KAZN: variants seen among roughly 807,000 people sequenced by gnomAD.
KAZN encodes the protein kazrin, periplakin interacting protein, also known as kazrin.
Under a neutral mutation model 87.4 loss-of-function variants are expected in KAZN, and 40 were observed. The ratio of observed to expected loss-of-function variants is 0.46; its 90% CI spans 0.36 to 0.60. The LOEUF is 0.60. Among genes scored for constraint, KAZN ranks in the 20% least tolerant of loss-of-function variants. KAZN has a pLI of 0.00. For missense variants in KAZN, 898 were observed against 1,073.9 expected, an observed-to-expected ratio of 0.84 and a Z score of 2.29; for synonymous variants, 466 against 458.3, an observed-to-expected ratio of 1.02 and a Z score of -0.22.
chr1:14,484,649 C>CT (rs1334813595), intron 2 of KAZN, among the ~76,000 whole-genome samples: 4 of 152,208 alleles, frequency 2.6e-5, no homozygotes, highest in African/African-American at 9.6e-5. Flanking sequence ...TGCAGGCTGG[C>CT]TGCCTGGTTC....
chr1:14,346,543 T>G (rs1207435707), intron 2 of KAZN, among the ~76,000 whole-genome samples: 1 of 152,098 alleles, frequency 6.6e-6, no homozygotes, highest in Admixed American at 6.5e-5. Context: ...ACTCAGTGGT[T>G]TGGGTAGGCT....
At chr1:14,141,460 G>A (rs1470666477) in intron 1 of KAZN, among the ~76,000 whole-genome samples, 1 of 150,600 alleles carries the variant, frequency 6.6e-6, no homozygotes, top group Non-Finnish European at 1.5e-5. Flanking sequence ...TTCGCTGATG[G>A]AACCAGATGT....
rs544133855 is a variant in KAZN at position 14,891,866 on chromosome 1, T to G, written c.227-68818T>G. On this transcript the variant is annotated intron_variant, in intron 1 of 14. Coordinates refer to ENST00000376030, the MANE Select transcript of KAZN (RefSeq NM_201628.3). The stretch of plus-strand genomic sequence containing the variant: ...TGAAAAAGAAATCTCTGAAGTTATT[T>G]CCATGGTTGGGGGTGGGATGGGGCA... Among the ~76,000 whole-genome samples, 9 of 152,292 alleles carry G rather than the reference T, an allele frequency of 5.9e-5. No individual in the cohort carries two copies. In the East Asian group the frequency reaches 1.4e-3, roughly 23 times the overall value.
At chr1:14,288,619 C>CA (rs1019694948) in intron 2 of KAZN, among the ~76,000 whole-genome samples, 131 of 152,128 alleles carry the variant, frequency 8.6e-4, no homozygotes, top group African/African-American at 3.1e-3. Flanking sequence ...TTCATCTTTT[C>CA]AAAAAACCAG....
At chr1:13,966,986 C>T (rs189600966) in intron 1 of KAZN, among the ~76,000 whole-genome samples, 3 of 152,262 alleles carry the variant, frequency 2.0e-5, no homozygotes, top group Admixed American at 2.0e-4. Flanking sequence ...TCTACTGTGT[C>T]TGTATAACTG....
intron 7 of KAZN, among the ~76,000 whole-genome samples, chr1:15,065,149 C>T (rs922684557): frequency 2.0e-5 from 3 of 150,916 alleles, no homozygotes; most frequent in Non-Finnish European, 4.4e-5. Flanking sequence ...CTGCCTTAGC[C>T]TCTCAAGTAG....
In KAZN at chr1:14,522,482, C is replaced by CA. The variant is rs367882400; in HGVS notation, c.250-76497dup. 4.5e-3 allele frequency among the ~76,000 whole-genome samples: 688 copies of CA among 152,278 alleles called. 6 individuals are homozygous for CA. The highest frequency in any genetic ancestry group is 0.016 in the African/African-American group (648 of 41,546). On this transcript the variant is annotated intron_variant, in intron 2 of 16. Transcript: ENST00000636203. Reference sequence around the variant, plus strand: ...ACAGTTATCAAGGAGCCAGCTCTTCCAAAAGGTTTCCTGCAAATCACGTCA... The same window carrying CA: ...ACAGTTATCAAGGAGCCAGCTCTTCCAAAAAGGTTTCCTGCAAATCACGTCA...
chr1:14,047,675 C>CTGG (rs1642135190), intron 1 of KAZN, among the ~76,000 whole-genome samples: 1 of 152,070 alleles, frequency 6.6e-6, no homozygotes, highest in Admixed American at 6.5e-5. Context: ...TGAGACCAGC[C>CTGG]TGGCCAACAT....
At chr1:13,980,237 A>C (rs970507683) in intron 1 of KAZN, among the ~76,000 whole-genome samples, 1 of 152,202 alleles carries the variant, frequency 6.6e-6, no homozygotes, top group Non-Finnish European at 1.5e-5. Flanking sequence ...GCATAATAAA[A>C]ATTGAACAAT....
At chr1:14,442,565 G>A (rs1282759537) in intron 2 of KAZN, among the ~76,000 whole-genome samples, 1 of 152,210 alleles carries the variant, frequency 6.6e-6, no homozygotes, top group Non-Finnish European at 1.5e-5. Flanking sequence ...GACTCAGCTT[G>A]TTGCTGCTGG....
chr1:14,705,633 A>C (rs1329659409), intron 1 of KAZN, among the ~76,000 whole-genome samples: 2 of 152,216 alleles, frequency 1.3e-5, no homozygotes, highest in South Asian at 4.1e-4. Flanking sequence ...TAGAGGCTAC[A>C]TGGGTGGAAC....
intron 1 of KAZN, among the ~76,000 whole-genome samples, chr1:14,895,916 G>A (rs1655212982): frequency 6.6e-6 from 1 of 152,194 alleles, no homozygotes; most frequent in African/African-American, 2.4e-5. Context: ...AAGTAGTCAG[G>A]AGGGCTTCTC....
intron 2 of KAZN, among the ~76,000 whole-genome samples, chr1:14,278,293 T>C (rs1177378213): frequency 1.4e-5 from 2 of 144,208 alleles, no homozygotes; most frequent in Admixed American, 6.9e-5. Context: ...ACTGATTCCT[T>C]TTTTTTTTTT....
chr1:14,637,192 A>C (rs1416432549), intron 1 of KAZN, among the ~76,000 whole-genome samples: 3 of 152,286 alleles, frequency 2.0e-5, no homozygotes, highest in Non-Finnish European at 4.4e-5. Flanking sequence ...GCAGCAGCTC[A>C]TCAGAAAGTG....
intron 1 of KAZN, among the ~76,000 whole-genome samples, chr1:14,109,695 G>A (rs1644455157): frequency 6.6e-6 from 1 of 151,890 alleles, no homozygotes; most frequent in African/African-American, 2.4e-5. Context: ...GTGAACCTGA[G>A]GGTAATTACT....
intron 2 of KAZN, among the ~76,000 whole-genome samples, chr1:14,586,502 A>C (rs1293772424): frequency 2.6e-5 from 4 of 151,372 alleles, no homozygotes; most frequent in Admixed American, 1.3e-4. Flanking sequence ...CTGTTTGACT[A>C]AGCATGAACT....
chr1:14,075,775 C>A (rs1161725777), intron 1 of KAZN, among the ~76,000 whole-genome samples: 1 of 152,118 alleles, frequency 6.6e-6, no homozygotes, highest in Non-Finnish European at 1.5e-5. Flanking sequence ...TGTGGGGCTG[C>A]CCTATACACT....
At chr1:14,984,255 G>A (rs1666549712) in intron 2 of KAZN, among the ~76,000 whole-genome samples, 3 of 151,770 alleles carry the variant, frequency 2.0e-5, no homozygotes, top group African/African-American at 7.3e-5. Context: ...TAGTCGGGAG[G>A]CTGAGCATCT....
intron 1 of KAZN, among the ~76,000 whole-genome samples, chr1:14,793,750 G>A (rs1344557461): frequency 6.6e-6 from 1 of 150,958 alleles, no homozygotes; most frequent in East Asian, 2.0e-4. Context: ...CATTCTTCCT[G>A]CTCAGAGCTT....
Sources: allele counts gnomAD v4.1 joint callset (sites outside exome capture counted in the v4.1 genomes callset), GRCh38; gene constraint gnomAD v4.1.1; transcripts MANE v1.5; gene names NCBI Gene and HGNC (gene_info 2026-07-23, HGNC 2026-07-21).